GRAMD1B: variants seen among roughly 807,000 people sequenced by gnomAD.
GRAMD1B encodes the protein GRAM domain containing 1B, also known as protein Aster-B.
A neutral mutation model predicts 99.7 loss-of-function variants in GRAMD1B; 37 were observed. That is an observed-to-expected ratio of 0.37 (90% CI 0.29 to 0.49). The LOEUF is 0.49. Among genes scored for constraint, GRAMD1B ranks in the 20% least tolerant of loss-of-function variants. GRAMD1B has a pLI of 0.98. For synonymous variants in GRAMD1B, 427 were observed against 387.6 expected (o/e 1.10, Z -1.19); for missense variants, 888 against 1,009.2 (o/e 0.88, Z 1.63).
chr11:123,603,556 G>A lies in GRAMD1B; in HGVS notation c.1166+15G>A. The A allele has an allele frequency of 2.6e-6, 4 of 1,531,294 alleles. No homozygotes were observed. The highest frequency in any genetic ancestry group is 1.7e-4 in the Middle Eastern group (1 of 5,904). 94.9% of individuals were successfully genotyped at this position (1,531,294 alleles called of 1,614,324 possible). A position where few individuals can be genotyped will look rare whatever the true frequency, so the allele number is the denominator to read the frequency against. ...AACACAATGGGGTGAGTGAGGCCAA[G>A]GGCGGCTGCCCAGAGGCAGCCGTGC... On this transcript the variant is annotated intron_variant, in intron 9 of 19. Coordinates refer to ENST00000635736, the MANE Select transcript of GRAMD1B (RefSeq NM_001387025.1).
chr11:123,586,266 G>A lies in GRAMD1B; in HGVS notation c.684+1934G>A, dbSNP rs532091877. ...GTCCTGCTTTCTGATGGTTCCACCT[G>A]CACCATGTCTGTGCAGAAGCTGTTG... On this transcript the variant is annotated intron_variant, in intron 4 of 19. Coordinates refer to ENST00000635736, the MANE Select transcript of GRAMD1B (RefSeq NM_001387025.1). Among the ~76,000 whole-genome samples, 7 of 152,276 alleles carry A rather than the reference G, an allele frequency of 4.6e-5. No homozygotes were observed. The East Asian group carries it at 1.2e-3, about 25-fold the overall frequency.
At chr11:123,394,018 T>G (rs969132513) in intron 1 of GRAMD1B, among the ~76,000 whole-genome samples, 2 of 152,268 alleles carry the variant, frequency 1.3e-5, no homozygotes, top group African/African-American at 4.8e-5. Context: ...AAGGTCATCC[T>G]TATTCTACTC....
At chr11:123,482,417 G>A (rs1014544413) in intron 2 of GRAMD1B, among the ~76,000 whole-genome samples, 1 of 152,100 alleles carries the variant, frequency 6.6e-6, no homozygotes, top group Admixed American at 6.5e-5. Flanking sequence ...GTCTTGAAAT[G>A]TCTATGAAAT....
chr11:123,560,330 A>G, intron 2 of GRAMD1B: 1 of 1,154,580 alleles, frequency 8.7e-7, no homozygotes. Context: ...AGAGAGAGAG[A>G]GGGACTTCTG....
chr11:123,542,644 T>TTTTTG (rs1191800928), intron 2 of GRAMD1B, among the ~76,000 whole-genome samples: 8 of 152,010 alleles, frequency 5.3e-5, no homozygotes, highest in Admixed American at 2.0e-4. Context: ...AGCAAGTAGG[T>TTTTTG]TTTTGTTTTG....
intron 1 of GRAMD1B, among the ~76,000 whole-genome samples, chr11:123,396,280 TTC>T (rs1947459877): frequency 2.7e-5 from 4 of 149,622 alleles, no homozygotes; most frequent in Non-Finnish European, 4.4e-5. Flanking sequence ...TTTCTTCTTC[TTC>T]TTTTTTTTTT....
In GRAMD1B at chr11:123,405,016, C is replaced by T. The variant is rs530833059; in HGVS notation, c.-176+46217C>T. On this transcript the variant is annotated intron_variant, in intron 1 of 20. Coordinates refer to the GRAMD1B transcript ENST00000638157. ...GGGAAGTCAGAGAAGAAAGCTTCAA[C>T]CTGTCAGTCAGAAGGGAAATAGCCA... 2.0e-5 allele frequency among the ~76,000 whole-genome samples: 3 copies of T among 152,260 alleles called. No homozygotes were observed. The East Asian group carries it at 5.8e-4, about 29-fold the overall frequency.
In GRAMD1B at chr11:123,542,964, T is replaced by C. The variant is rs532286659; in HGVS notation, c.453-34403T>C. On this transcript the variant is annotated intron_variant, in intron 2 of 19. Transcript: ENST00000635736. Reference sequence around the variant, plus strand: ...CCACTGCGCCCAGCCTGGCGAGTAGTTTTTCTTTTTCTTTTTTTTTTTAAA... The same window carrying C: ...CCACTGCGCCCAGCCTGGCGAGTAGCTTTTCTTTTTCTTTTTTTTTTTAAA... Among the ~76,000 whole-genome samples, 71 of 105,878 alleles carry C rather than the reference T, an allele frequency of 6.7e-4. 2 individuals carry two copies. The highest frequency in any genetic ancestry group is 6.0e-3 in the Admixed American group (66 of 11,062). 69.5% of individuals were successfully genotyped at this position (105,878 alleles called of 152,430 possible). A position where few individuals can be genotyped will look rare whatever the true frequency, so the allele number is the denominator to read the frequency against.
intron 1 of GRAMD1B, among the ~76,000 whole-genome samples, chr11:123,370,071 C>T (rs921596621): frequency 2.0e-5 from 3 of 151,676 alleles, no homozygotes; most frequent in African/African-American, 7.3e-5. Flanking sequence ...TTCTAGCACA[C>T]TGGGGGGCTG....
In GRAMD1B at chr11:123,614,773, G is replaced by A; in HGVS notation, c.2256G>A (p.Glu752=). ...CCACACAGACGCGGCATATCCCGGA[G>A]GACACCCCCAACGGTTTCCACCTGC... The part of the protein sequence containing the change: ...AGSTQTRHIP[E]DTPNGFHLQS... The change falls in exon 17 of 20, where the codon GAG becomes GAA. Residue 752 remains glutamate, a synonymous_variant. Transcript: ENST00000635736. 6.2e-7 allele frequency: 1 copy of A among 1,612,424 alleles called. No individual in the cohort carries two copies. The highest frequency in any genetic ancestry group is 8.5e-7 in the Non-Finnish European group (1 of 1,178,522).
intron 2 of GRAMD1B, among the ~76,000 whole-genome samples, chr11:123,559,102 G>C (rs373046665): frequency 1.3e-5 from 2 of 152,232 alleles, no homozygotes; most frequent in Non-Finnish European, 2.9e-5. Flanking sequence ...GCTGTTCAGG[G>C]TGGTCCCGGA....
chr11:123,394,672 GTC>G (rs1947397261), intron 1 of GRAMD1B, among the ~76,000 whole-genome samples: 1 of 152,162 alleles, frequency 6.6e-6, no homozygotes, highest in Admixed American at 6.6e-5. Flanking sequence ...TTATGTACCT[GTC>G]TTGTTCCCTG....
chr11:123,429,060 G>A (rs144283245), upstream of GRAMD1B, among the ~76,000 whole-genome samples: 6 of 152,258 alleles, frequency 3.9e-5, 1 homozygote, highest in African/African-American at 1.4e-4. The surrounding 1 kb of genome is among the most constrained non-coding windows in gnomAD (Gnocchi z 4.0). Flanking sequence ...GCGTGTGGTG[G>A]TGCGCACCTG....
intron 1 of GRAMD1B, among the ~76,000 whole-genome samples, chr11:123,404,872 C>T (rs899772521): frequency 4.6e-5 from 7 of 152,192 alleles, no homozygotes; most frequent in Admixed American, 1.3e-4. Context: ...TTAGAAATTC[C>T]GCCTGTTGTC....
intron 1 of GRAMD1B, among the ~76,000 whole-genome samples, chr11:123,463,492 T>C (rs1246074910): frequency 2.6e-5 from 4 of 152,212 alleles, no homozygotes; most frequent in Non-Finnish European, 5.9e-5. Flanking sequence ...CTTGAATGAA[T>C]TGAAAAAAGC....
At chr11:123,397,780 A>T (rs1338031044) in intron 1 of GRAMD1B, among the ~76,000 whole-genome samples, 1 of 152,144 alleles carries the variant, frequency 6.6e-6, no homozygotes, top group Non-Finnish European at 1.5e-5. Context: ...AAGTGCTGGG[A>T]TTACAGGTGT....
intron 1 of GRAMD1B, among the ~76,000 whole-genome samples, chr11:123,397,893 T>C (rs1045478428): frequency 6.6e-6 from 1 of 152,214 alleles, no homozygotes; most frequent in Admixed American, 6.5e-5. Context: ...TTGAGATTCA[T>C]CTACATAGCT....
intron 2 of GRAMD1B, among the ~76,000 whole-genome samples, chr11:123,535,240 T>TA (rs147220672): frequency 1.4e-4 from 20 of 147,320 alleles, no homozygotes; most frequent in South Asian, 4.3e-4. Flanking sequence ...GCTTTCCATT[T>TA]AAAAAAAAAA....
rs555769504 is a variant in GRAMD1B at position 123,467,841 on chromosome 11, C to CCCTTCCTT, written c.375-12962_375-12955dup. On this transcript the variant is annotated intron_variant, in intron 1 of 19. Coordinates refer to ENST00000635736, the MANE Select transcript of GRAMD1B (RefSeq NM_001387025.1). Reference sequence around the variant, plus strand: ...CTTTTCCCTCCCTCCCTCCCTCCCTCCCTTCCTTCCTTCCTTCCTTTCTTT... The same window carrying CCCTTCCTT: ...CTTTTCCCTCCCTCCCTCCCTCCCTCCCTTCCTTCCTTCCTTCCTTCCTTCCTTTCTTT... Among the ~76,000 whole-genome samples the CCCTTCCTT allele has an allele frequency of 5.6e-3, 607 of 109,240 alleles. 22 individuals are homozygous for CCCTTCCTT. In the East Asian group the frequency reaches 0.072, roughly 13 times the overall value. The allele number at this position is 109,240 out of a possible 152,430, so 71.7% of individuals were successfully genotyped here.
Sources: gnomAD v4.1 joint callset for allele counts (sites outside exome capture counted in the v4.1 genomes callset) on GRCh38, gnomAD v4.1.1 for gene constraint, Gnocchi (gnomAD v3.1) non-coding constraint, MANE v1.5 for transcripts, NCBI Gene and HGNC (gene_info 2026-07-23, HGNC 2026-07-21) for gene names.